Variants in SENP7 observed in about 807,000 individuals in gnomAD.
SENP7 encodes the protein SUMO specific peptidase 7.
Under a neutral mutation model 141.2 loss-of-function variants are expected in SENP7, and 64 were observed. That is an observed-to-expected ratio of 0.45 (90% CI 0.37 to 0.56). SENP7 has a LOEUF of 0.56. Among genes scored for constraint, SENP7 ranks in the 20% least tolerant of loss-of-function variants. The pLI, the probability that SENP7 is intolerant of heterozygous loss-of-function variation, is 0.00. For synonymous variants in SENP7, 382 were observed against 426.4 expected (o/e 0.90, Z 1.28); for missense variants, 1,025 against 1,212.2 (o/e 0.85, Z 2.29).
chr3:101,427,411 A>T (rs2061997866), intron 4 of SENP7, among the ~76,000 whole-genome samples: 1 of 149,746 alleles, frequency 6.7e-6, no homozygotes, highest in African/African-American at 2.5e-5. Context: ...AATTGCTTAA[A>T]CCCGGGAGGT....
rs769085985 is a variant in SENP7 at position 101,365,028 on chromosome 3, A to G, written c.1319-37T>C. On this transcript the variant is annotated intron_variant, in intron 9 of 23. Coordinates refer to ENST00000394095, the MANE Select transcript of SENP7 (RefSeq NM_020654.5). The stretch of plus-strand genomic sequence containing the variant: ...AAGAAAAATGTATTTTTGTTTATTT[A>G]TTTATTTATTTATTTATTTTTTGAG... The G allele has an allele frequency of 1.1e-5, 14 of 1,243,220 alleles. No homozygotes were observed. In the South Asian group the frequency reaches 2.9e-4, roughly 26 times the overall value. The allele number at this position is 1,243,220 out of a possible 1,614,324, so 77.0% of individuals were successfully genotyped here.
intron 3 of SENP7, among the ~76,000 whole-genome samples, chr3:101,483,940 T>C (rs2064615163): frequency 6.6e-6 from 1 of 152,080 alleles, no homozygotes; most frequent in Non-Finnish European, 1.5e-5. Flanking sequence ...TGGCATGAGA[T>C]TGCTTGAACC....
chr3:101,376,754 T>C (rs1019615986), intron 6 of SENP7, among the ~76,000 whole-genome samples: 4 of 152,002 alleles, frequency 2.6e-5, no homozygotes, highest in African/African-American at 9.7e-5. Flanking sequence ...CTGCACGTTG[T>C]GCACATGTAC....
intron 7 of SENP7, among the ~76,000 whole-genome samples, chr3:101,369,798 T>C (rs1057206812): frequency 7.9e-5 from 12 of 152,180 alleles, no homozygotes; most frequent in Admixed American, 1.3e-4. Context: ...ATAACTTTAT[T>C]ATATAGAATG....
At chr3:101,427,347 G>A (rs186964346) in intron 4 of SENP7, among the ~76,000 whole-genome samples, 15 of 152,028 alleles carry the variant, frequency 9.9e-5, no homozygotes, top group Non-Finnish European at 1.3e-4. Context: ...AAAACTACCC[G>A]GGAGTGGTGG....
intron 1 of SENP7, among the ~76,000 whole-genome samples, chr3:101,506,943 C>G (rs894612144): frequency 2.6e-5 from 4 of 151,982 alleles, no homozygotes; most frequent in African/African-American, 9.7e-5. Context: ...GGCCTGTAGT[C>G]CTAGCTACTC....
intron 1 of SENP7, among the ~76,000 whole-genome samples, chr3:101,504,942 C>G (rs1397269427): frequency 6.6e-6 from 1 of 151,886 alleles, no homozygotes. Context: ...TCGCTTGAGC[C>G]CAGGAGGTCA....
At chr3:101,482,324 A>C (rs979578944) in intron 3 of SENP7, among the ~76,000 whole-genome samples, 1 of 152,090 alleles carries the variant, frequency 6.6e-6, no homozygotes, top group Non-Finnish European at 1.5e-5. Flanking sequence ...ACAAAAAAAA[A>C]AAAAAGAAAG....
chr3:101,396,825 T>TTTG (rs781721238), intron 6 of SENP7, among the ~76,000 whole-genome samples: 3 of 151,954 alleles, frequency 2.0e-5, no homozygotes, highest in Admixed American at 6.6e-5. Flanking sequence ...GATAGGTACT[T>TTTG]TTGTTGTTGT....
At chr3:101,453,000 A>T (rs370100654) in intron 4 of SENP7, among the ~76,000 whole-genome samples, 12 of 152,138 alleles carry the variant, frequency 7.9e-5, no homozygotes, top group African/African-American at 2.9e-4. Flanking sequence ...ATCTACAATA[A>T]ACTCAAACAA....
intron 2 of SENP7, among the ~76,000 whole-genome samples, chr3:101,498,924 C>G (rs1322268329): frequency 6.6e-6 from 1 of 152,184 alleles, no homozygotes; most frequent in Non-Finnish European, 1.5e-5. Context: ...CCGAAACCAT[C>G]TTCCCGACCC....
In SENP7 at chr3:101,340,185, G is replaced by A; in HGVS notation, c.2267C>T (p.Thr756Ile). The change falls in exon 16 of 24, where the codon ACT becomes ATT. Residue 756 changes from threonine (T) to isoleucine (I), a missense_variant. This residue lies in a region of SENP7 where 295 missense variants were observed against 459.1 expected (regional missense o/e 0.64). Transcript: ENST00000394095. ...QKLIVYPPPP[T>I]KGGLGVTNED... ...ATTAGTTACTCCTAATCCCCCCTTA[G>A]TAGGTGGTGGAGGATATACAATCAA... is the stretch of plus-strand genomic sequence containing the variant. 1 of 1,599,766 alleles carries A rather than the reference G, an allele frequency of 6.3e-7. No homozygotes were observed. Among genetic ancestry groups the A allele is most frequent in the Non-Finnish European group, 8.5e-7 (1 of 1,175,014 alleles).
chr3:101,330,858 C>T (rs77470036), intron 19 of SENP7, among the ~76,000 whole-genome samples: 8,370 of 152,216 alleles, frequency 0.055, 317 homozygotes, highest in Non-Finnish European at 0.078. Context: ...ATGCTAATGG[C>T]TATTTTTCAA....
intron 3 of SENP7, among the ~76,000 whole-genome samples, chr3:101,477,065 T>C (rs2108007153): frequency 6.6e-6 from 1 of 152,338 alleles, no homozygotes; most frequent in East Asian, 1.9e-4. Flanking sequence ...TTCACTCTGA[T>C]GATAGTTTCT....
At chr3:101,463,402 T>TATATATATATATATATACACAC in intron 3 of SENP7, among the ~76,000 whole-genome samples, 1 of 101,248 alleles carries the variant, frequency 9.9e-6, no homozygotes, top group Non-Finnish European at 2.0e-5. Flanking sequence ...TATATACATA[T>TATATATATATATATATACACAC]ATATATATAT....
At chr3:101,458,071 G>A in intron 4 of SENP7, among the ~76,000 whole-genome samples, 1 of 152,098 alleles carries the variant, frequency 6.6e-6, no homozygotes, top group East Asian at 1.9e-4. Flanking sequence ...TTGTTCTAAG[G>A]ATGAAAGCAT....
intron 4 of SENP7, among the ~76,000 whole-genome samples, chr3:101,436,727 A>C (rs552629755): frequency 6.6e-6 from 1 of 152,360 alleles, no homozygotes; most frequent in Non-Finnish European, 1.5e-5. Flanking sequence ...CTACAATGAG[A>C]TATCATCTCA....
At chr3:101,447,583 A>T (rs966809090) in intron 4 of SENP7, among the ~76,000 whole-genome samples, 1 of 152,250 alleles carries the variant, frequency 6.6e-6, no homozygotes, top group Non-Finnish European at 1.5e-5. Flanking sequence ...ATTGAAAAAA[A>T]TTGTAAAGGA....
intron 3 of SENP7, among the ~76,000 whole-genome samples, chr3:101,485,792 A>G (rs1373160557): frequency 6.6e-6 from 1 of 152,212 alleles, no homozygotes; most frequent in Non-Finnish European, 1.5e-5. Flanking sequence ...ATAATTCAGG[A>G]GGATAGTCAT....
Sources: allele counts gnomAD v4.1 joint callset (sites outside exome capture counted in the v4.1 genomes callset), GRCh38; gene constraint gnomAD v4.1.1; regional missense constraint gnomAD v4.1.1; transcripts MANE v1.5; gene names NCBI Gene and HGNC (gene_info 2026-07-23, HGNC 2026-07-21).